SLC4A4: variants seen among roughly 807,000 people sequenced by gnomAD.
SLC4A4 encodes electrogenic sodium bicarbonate cotransporter 1.
Under a neutral mutation model 111.5 loss-of-function variants are expected in SLC4A4, and 27 were observed. The ratio of observed to expected loss-of-function variants is 0.24; its 90% CI spans 0.18 to 0.33. The LOEUF (loss-of-function observed/expected upper bound fraction) is 0.33. SLC4A4 is among the 10% of genes least tolerant of loss of function. The pLI, the probability that SLC4A4 is intolerant of heterozygous loss-of-function variation, is 1.00. For missense variants in SLC4A4, 909 were observed against 1,315.5 expected (o/e 0.69, Z 4.78); for synonymous variants, 443 against 463.4 (o/e 0.96, Z 0.57).
chr4:71,414,362 T>C (rs1721654330), intron 7 of SLC4A4, among the ~76,000 whole-genome samples: 1 of 152,186 alleles, frequency 6.6e-6, no homozygotes, highest in South Asian at 2.1e-4. Flanking sequence ...CTTTGTTGGG[T>C]TCATAAACTA....
At chr4:71,512,923 T>C (rs1015297204) in intron 16 of SLC4A4, among the ~76,000 whole-genome samples, 1 of 152,210 alleles carries the variant, frequency 6.6e-6, no homozygotes, top group Non-Finnish European at 1.5e-5. Context: ...GTCAGCTTTT[T>C]TGAGGATCAG....
rs1015621602 is a variant in SLC4A4, at chr4:71,450,310, G to T, written c.1054-79G>T. 6.0e-6 allele frequency: 6 copies of T among 993,526 alleles called. No individual in the cohort carries two copies. The East Asian group carries it at 1.4e-4, about 24-fold the overall frequency. The allele number at this position is 993,526 out of a possible 1,614,324, so 61.5% of individuals were successfully genotyped here. On this transcript the variant is annotated intron_variant, in intron 9 of 25. Transcript: ENST00000264485. ...ATTAATAGCACAGTTGTTATGGGCT[G>T]CATTCTTCAGGCTTGATATGGTGTG...
intron 15 of SLC4A4, among the ~76,000 whole-genome samples, chr4:71,497,072 T>C (rs1387187891): frequency 2.6e-5 from 4 of 152,110 alleles, no homozygotes. Flanking sequence ...GCATTAACCA[T>C]AGGGCCATCA....
chr4:71,334,038 G>A (rs888348192), intron 3 of SLC4A4, among the ~76,000 whole-genome samples: 1 of 151,996 alleles, frequency 6.6e-6, no homozygotes, highest in Non-Finnish European at 1.5e-5. Context: ...CAAGCTGCAA[G>A]ACAAAGTCAC....
intron 7 of SLC4A4, among the ~76,000 whole-genome samples, chr4:71,398,129 A>G (rs998473784): frequency 1.3e-5 from 2 of 151,970 alleles, no homozygotes; most frequent in Admixed American, 1.3e-4. Flanking sequence ...TACTAAAACC[A>G]CAAAAATTAG....
chr4:71,126,944 GGA>G (rs1183824835), intron 2 of SLC4A4, among the ~76,000 whole-genome samples: 1 of 152,214 alleles, frequency 6.6e-6, no homozygotes, highest in African/African-American at 2.4e-5. Context: ...ACAGTGGGCA[GGA>G]GTATTCCTGG....
intron 2 of SLC4A4, among the ~76,000 whole-genome samples, chr4:71,100,614 A>C (rs1351597026): frequency 2.6e-5 from 4 of 152,182 alleles, no homozygotes; most frequent in African/African-American, 9.6e-5. Context: ...AGACAAGAGA[A>C]AGAAAGAAAA....
chr4:71,460,348 G>T (rs1726703566), intron 12 of SLC4A4, among the ~76,000 whole-genome samples: 1 of 152,012 alleles, frequency 6.6e-6, no homozygotes, highest in South Asian at 2.1e-4. Context: ...TGTTTCCGAT[G>T]ATCCAGATAC....
intron 18 of SLC4A4, among the ~76,000 whole-genome samples, chr4:71,541,035 A>T (rs1025733864): frequency 6.6e-6 from 1 of 152,100 alleles, no homozygotes; most frequent in African/African-American, 2.4e-5. Flanking sequence ...GCTGTTTATC[A>T]GCATTTCTAG....
intron 21 of SLC4A4, 75 bp from the exon 22 acceptor site, chr4:71,557,637 C>T: frequency 7.2e-7 from 1 of 1,391,964 alleles, no homozygotes; most frequent in Non-Finnish European, 1.0e-6. Flanking sequence ...GAATATAAAT[C>T]AGTAGTGATT....
intron 16 of SLC4A4, among the ~76,000 whole-genome samples, chr4:71,499,327 C>T (rs567247789): frequency 1.8e-4 from 28 of 151,982 alleles, no homozygotes; most frequent in Non-Finnish European, 3.7e-4. Context: ...CTTAATTGAC[C>T]AATAATAATG....
At chr4:71,241,725 T>C (rs566499785) in intron 2 of SLC4A4, among the ~76,000 whole-genome samples, 39 of 152,304 alleles carry the variant, frequency 2.6e-4, no homozygotes, top group African/African-American at 9.1e-4. Context: ...GAGGAAACTC[T>C]TGGGCAAATA....
At chr4:71,541,127 G>T (rs1032568157) in intron 18 of SLC4A4, among the ~76,000 whole-genome samples, 32 of 152,138 alleles carry the variant, frequency 2.1e-4, no homozygotes, top group African/African-American at 7.7e-4. Context: ...TCCCTTGGGA[G>T]TGGAGATGAG....
intron 18 of SLC4A4, among the ~76,000 whole-genome samples, chr4:71,541,151 T>C (rs1266243918): frequency 6.6e-6 from 1 of 152,162 alleles, no homozygotes; most frequent in African/African-American, 2.4e-5. Context: ...AAAATAGTTC[T>C]GGGAGGAGGC....
intron 14 of SLC4A4, among the ~76,000 whole-genome samples, chr4:71,480,858 AT>A (rs1243304468): frequency 1.3e-5 from 2 of 151,724 alleles, no homozygotes; most frequent in African/African-American, 4.8e-5. Context: ...AATGCCAGAC[AT>A]TTTACTAGGG....
chr4:71,210,078 T>C (rs1175463776), intron 1 of SLC4A4, among the ~76,000 whole-genome samples: 1 of 152,234 alleles, frequency 6.6e-6, no homozygotes, highest in South Asian at 2.1e-4. Flanking sequence ...GGCAATGATA[T>C]CACATATTTC....
At chr4:71,345,038 C>T (rs1729204468) in intron 4 of SLC4A4, among the ~76,000 whole-genome samples, 1 of 152,138 alleles carries the variant, frequency 6.6e-6, no homozygotes, top group Non-Finnish European at 1.5e-5. Context: ...ATCACCATCC[C>T]TTTTACGTCC....
At chr4:71,143,933 A>G (rs1744085603) in intron 2 of SLC4A4, among the ~76,000 whole-genome samples, 2 of 152,122 alleles carry the variant, frequency 1.3e-5, no homozygotes, top group South Asian at 2.1e-4. Flanking sequence ...TTTGCTGTGC[A>G]GAAGCTCTTG....
intron 4 of SLC4A4, among the ~76,000 whole-genome samples, chr4:71,341,897 TAAAC>T (rs1005740269): frequency 6.6e-6 from 1 of 152,006 alleles, no homozygotes; most frequent in African/African-American, 2.4e-5. Flanking sequence ...TTTCATAACT[TAAAC>T]AATGCCCAGA....
Sources: allele counts gnomAD v4.1 joint callset (sites outside exome capture counted in the v4.1 genomes callset), GRCh38; gene constraint gnomAD v4.1.1; transcripts MANE v1.5; gene names NCBI Gene and HGNC (gene_info 2026-07-23, HGNC 2026-07-21).